The following PLCL1 variants were observed in gnomAD, a reference collection of about 807,000 sequenced individuals.
PLCL1 encodes the protein inactive phospholipase C-like protein 1.
A neutral mutation model predicts 84.4 loss-of-function variants in PLCL1; 41 were observed. The observed-to-expected ratio is 0.49, with a 90% confidence interval of 0.38 to 0.63. The LOEUF is 0.63. PLCL1 is among the 30% of genes least tolerant of loss of function. The probability of loss-of-function intolerance (pLI) is 0.00; values close to 1 mark genes in which losing one functional copy is unlikely to be tolerated. For missense variants in PLCL1, 1,206 were observed against 1,367.8 expected (o/e 0.88, Z 1.87); for synonymous variants, 490 against 488.3 (o/e 1.00, Z -0.05).
intron 1 of PLCL1, among the ~76,000 whole-genome samples, chr2:198,016,372 C>T (rs892971631): frequency 4.6e-5 from 7 of 152,200 alleles, no homozygotes; most frequent in African/African-American, 1.7e-4. Flanking sequence ...TTTGCTCACC[C>T]TGGAGCTTTC....
chr2:197,834,533 C>G (rs1365043754), intron 1 of PLCL1, among the ~76,000 whole-genome samples: 1 of 152,142 alleles, frequency 6.6e-6, no homozygotes, highest in Non-Finnish European at 1.5e-5. Context: ...ATGTGGCCAA[C>G]AAACATACGA....
chr2:197,937,639 C>A (rs1689076970), intron 1 of PLCL1, among the ~76,000 whole-genome samples: 1 of 152,186 alleles, frequency 6.6e-6, no homozygotes, highest in Non-Finnish European at 1.5e-5. Context: ...TGTTTTCTGC[C>A]ATATCATCCT....
chr2:198,026,276 A>G (rs1196323572), intron 1 of PLCL1, among the ~76,000 whole-genome samples: 1 of 152,224 alleles, frequency 6.6e-6, no homozygotes, highest in Non-Finnish European at 1.5e-5. Context: ...TAATATGCAT[A>G]TAACTTCTCA....
intron 1 of PLCL1, among the ~76,000 whole-genome samples, chr2:197,883,414 G>C (rs766745033): frequency 6.6e-6 from 1 of 152,104 alleles, no homozygotes; most frequent in Non-Finnish European, 1.5e-5. Flanking sequence ...TCTCTGCCTC[G>C]TGGGATAATA....
chr2:198,130,372 C>T (rs1694091238), intron 5 of PLCL1, among the ~76,000 whole-genome samples: 1 of 152,134 alleles, frequency 6.6e-6, no homozygotes, highest in South Asian at 2.1e-4. Flanking sequence ...CTTAGGCTAT[C>T]TTCTCACTCC....
intron 1 of PLCL1, among the ~76,000 whole-genome samples, chr2:197,850,595 G>A (rs547816596): frequency 3.3e-5 from 5 of 152,226 alleles, no homozygotes; most frequent in African/African-American, 1.2e-4. Flanking sequence ...GAATAAACCC[G>A]AAGGCCATAT....
intron 1 of PLCL1, among the ~76,000 whole-genome samples, chr2:197,958,910 T>C (rs1440015502): frequency 2.6e-5 from 3 of 115,570 alleles, no homozygotes; most frequent in Non-Finnish European, 3.8e-5. Context: ...TCTTGTGCAC[T>C]AATCTGTATT....
At chr2:197,820,566 G>A (rs1690796157) in intron 1 of PLCL1, among the ~76,000 whole-genome samples, 1 of 152,110 alleles carries the variant, frequency 6.6e-6, no homozygotes, top group Non-Finnish European at 1.5e-5. Flanking sequence ...ATTGCATGAA[G>A]CCTGTTAAAA....
chr2:197,974,226 G>A (rs1689923174), intron 1 of PLCL1, among the ~76,000 whole-genome samples: 2 of 152,144 alleles, frequency 1.3e-5, no homozygotes, highest in Admixed American at 1.3e-4. Context: ...ATTAAGTTTG[G>A]GTGGCCTAAT....
intron 1 of PLCL1, among the ~76,000 whole-genome samples, chr2:197,918,302 T>A (rs186219720): frequency 2.0e-5 from 3 of 152,186 alleles, no homozygotes; most frequent in African/African-American, 4.8e-5. Context: ...AATGAGAAAC[T>A]ATCACAGCCG....
intron 1 of PLCL1, among the ~76,000 whole-genome samples, chr2:197,941,314 C>T (rs1329912104): frequency 6.7e-6 from 1 of 150,102 alleles, no homozygotes; most frequent in Non-Finnish European, 1.5e-5. Context: ...TTTTTTGAGA[C>T]AGGGTCTCGC....
chr2:198,026,698 T>A (rs765636108), intron 1 of PLCL1, among the ~76,000 whole-genome samples: 1 of 152,216 alleles, frequency 6.6e-6, no homozygotes, highest in Admixed American at 6.5e-5. Flanking sequence ...AGGACCTGAA[T>A]AGACCTTTCT....
At chr2:198,100,325 G>A (rs1693300141) in intron 3 of PLCL1, among the ~76,000 whole-genome samples, 1 of 151,976 alleles carries the variant, frequency 6.6e-6, no homozygotes, top group South Asian at 2.1e-4. Context: ...AAAATTCCAT[G>A]AACAGATTTA....
intron 1 of PLCL1, among the ~76,000 whole-genome samples, chr2:197,927,858 G>T (rs539666586): frequency 1.2e-4 from 19 of 152,312 alleles, no homozygotes; most frequent in East Asian, 1.9e-4. Flanking sequence ...AACAGACACT[G>T]ATGACTAGCA....
chr2:198,031,885 A>T (rs1007197061), intron 1 of PLCL1, among the ~76,000 whole-genome samples: 5 of 152,062 alleles, frequency 3.3e-5, no homozygotes, highest in Admixed American at 2.0e-4. Context: ...TAGAAAACTA[A>T]TGATAATTAT....
At chr2:197,845,941 G>T (rs1247427477) in intron 1 of PLCL1, among the ~76,000 whole-genome samples, 1 of 152,106 alleles carries the variant, frequency 6.6e-6, no homozygotes, top group Non-Finnish European at 1.5e-5. Flanking sequence ...AATGAGAAGG[G>T]TGAGGTTTCC....
chr2:197,941,657 C>G (rs1363717620), intron 1 of PLCL1, among the ~76,000 whole-genome samples: 1 of 152,114 alleles, frequency 6.6e-6, no homozygotes, highest in East Asian at 1.9e-4. Flanking sequence ...TAGTTTTAAT[C>G]ATTTTCACCT....
intron 1 of PLCL1, among the ~76,000 whole-genome samples, chr2:198,025,082 C>T (rs945151565): frequency 6.6e-6 from 1 of 151,478 alleles, no homozygotes; most frequent in Non-Finnish European, 1.5e-5. Flanking sequence ...TGATTTTTTC[C>T]TTTTTATTTA....
chr2:198,100,646 T>G (rs1014209113), intron 3 of PLCL1, among the ~76,000 whole-genome samples: 1 of 152,112 alleles, frequency 6.6e-6, no homozygotes, highest in Non-Finnish European at 1.5e-5. Context: ...CAGGAATTAG[T>G]ACTGTAGTTT....
Sources: allele counts gnomAD v4.1 joint callset (sites outside exome capture counted in the v4.1 genomes callset), GRCh38; gene constraint gnomAD v4.1.1; transcripts MANE v1.5; gene names NCBI Gene and HGNC (gene_info 2026-07-23, HGNC 2026-07-21).